Variants in CELF2 observed in about 807,000 individuals in gnomAD.
The protein encoded by CELF2 is CUG triplet repeat RNA-binding protein 2.
A neutral mutation model predicts 62.6 loss-of-function variants in CELF2; 8 were observed. The ratio of observed to expected loss-of-function variants is 0.13; its 90% confidence interval spans 0.07 to 0.23. The LOEUF (loss-of-function observed/expected upper bound fraction) is 0.23, where lower values mean the gene tolerates loss of function less well. Among genes scored for constraint, CELF2 ranks in the 10% least tolerant of loss-of-function variants. The probability of loss-of-function intolerance (pLI) is 1.00; values close to 1 mark genes in which losing one functional copy is unlikely to be tolerated. For synonymous variants in CELF2, 258 were observed against 250.0 expected (o/e 1.03, Z -0.30); for missense variants, 333 against 671.0 (o/e 0.50, Z 5.56).
chr10:10,660,841 C>A, the CELF2 span, among the ~76,000 whole-genome samples: 1 of 152,102 alleles, frequency 6.6e-6, no homozygotes, highest in South Asian at 2.1e-4. Flanking sequence ...TTCTGTAATC[C>A]AAAGTAAACT....
rs570930613 is a variant in CELF2, at chr10:11,296,741, G to T, written c.976+8189G>T. On this transcript the variant is annotated intron_variant, in intron 9 of 12. Transcript: ENST00000633077. This position sits in a 1 kb window ranked among gnomAD's most constrained non-coding sequence, Gnocchi z 5.0. ...GCAGGAAGGCAGGTAAGGTACAGGGGTCAGTGACAGGAGAGATTCTGCCCC... is the reference window on the plus strand; with the variant it reads ...GCAGGAAGGCAGGTAAGGTACAGGGTTCAGTGACAGGAGAGATTCTGCCCC... Among the ~76,000 whole-genome samples, 8 of 152,294 alleles carry T rather than the reference G, an allele frequency of 5.3e-5. No individual in the cohort carries two copies. In the South Asian group the frequency reaches 1.7e-3, roughly 32 times the overall value.
At chr10:11,322,953 TATC>T (rs1240429943) in intron 11 of CELF2, among the ~76,000 whole-genome samples, 2 of 152,036 alleles carry the variant, frequency 1.3e-5, no homozygotes, top group African/African-American at 4.8e-5. Flanking sequence ...AGGACAATGA[TATC>T]ATCACACAGA....
In CELF2 at chr10:11,267,368, T is replaced by C. The variant is rs931020617; in HGVS notation, c.618+691T>C. On this transcript the variant is annotated intron_variant, in intron 6 of 12. Transcript: ENST00000633077. The surrounding 1 kb of genome is among the most constrained non-coding windows in gnomAD (Gnocchi z 4.4). ...ATGCACACCCACGAACCTAGATAGA[T>C]GGCTCTGTACTTTTAGTCTGTGATT... Among the ~76,000 whole-genome samples, 4 of 152,218 alleles carry C rather than the reference T, an allele frequency of 2.6e-5. No homozygotes were observed. Among genetic ancestry groups the C allele is most frequent in the Non-Finnish European group, 5.9e-5 (4 of 68,038 alleles).
At chr10:10,986,121 G>A (rs1358934804) in intron 2 of CELF2, among the ~76,000 whole-genome samples, 1 of 151,724 alleles carries the variant, frequency 6.6e-6, no homozygotes, top group Non-Finnish European at 1.5e-5. Context: ...TTCCAGTTTT[G>A]TCCACTTTCT....
chr10:11,077,674 G>A (rs2773493), intron 1 of CELF2, among the ~76,000 whole-genome samples: 9,443 of 152,176 alleles, frequency 0.062, 503 homozygotes, highest in African/African-American at 0.15. Flanking sequence ...GTTTATCGTC[G>A]TGTGAAACAT....
chr10:11,122,724 A>G (rs1291162404), intron 1 of CELF2, among the ~76,000 whole-genome samples: 1 of 152,246 alleles, frequency 6.6e-6, no homozygotes, highest in African/African-American at 2.4e-5. Flanking sequence ...ATAACTTTAA[A>G]GTTTTATTGA....
At position 10,856,928 on chromosome 10, in the gene CELF2, A is replaced by G. The variant is rs796307121; in HGVS notation, c.53+58111A>G. 9.5e-4 allele frequency among the ~76,000 whole-genome samples: 145 copies of G among 152,268 alleles called. 2 individuals carry two copies. Among genetic ancestry groups the G allele is most frequent in the African/African-American group, 3.4e-3 (143 of 41,544 alleles). On this transcript the variant is annotated intron_variant, in intron 1 of 13. Transcript: ENST00000636488. ...TAACAACTAGAAAATTGGACAAAATACATGAAACAAGTTTGTTGGGACATT... is the reference window on the plus strand; with the variant it reads ...TAACAACTAGAAAATTGGACAAAATGCATGAAACAAGTTTGTTGGGACATT...
chr10:10,809,634 G>A (rs898801825), intron 1 of CELF2, among the ~76,000 whole-genome samples: 2 of 152,118 alleles, frequency 1.3e-5, no homozygotes, highest in African/African-American at 2.4e-5. Flanking sequence ...GTACTTACTT[G>A]AAAATTATTT....
the CELF2 span, among the ~76,000 whole-genome samples, chr10:10,656,292 C>T: frequency 6.6e-6 from 1 of 150,554 alleles, no homozygotes; most frequent in Non-Finnish European, 1.5e-5. Flanking sequence ...ACTAGTTCAA[C>T]CATTGTGGAA....
chr10:10,796,913 T>C (rs1373437467), upstream of CELF2: 2 of 984,624 alleles, frequency 2.0e-6, no homozygotes, highest in African/African-American at 3.5e-5. Flanking sequence ...GGTATGAAAT[T>C]CTCTTTTAAT....
At chr10:10,753,014 T>C in the CELF2 span, among the ~76,000 whole-genome samples, 1 of 152,180 alleles carries the variant, frequency 6.6e-6, no homozygotes, top group African/African-American at 2.4e-5. Flanking sequence ...ATGTGAGCCC[T>C]TGGTGAATTG....
intron 1 of CELF2, among the ~76,000 whole-genome samples, chr10:11,161,994 C>T (rs1459548324): frequency 2.0e-5 from 3 of 152,164 alleles, no homozygotes; most frequent in Non-Finnish European, 2.9e-5. Flanking sequence ...AAATGAGCAT[C>T]AGCCAGGGAG....
At chr10:10,463,485 C>A in the CELF2 span, among the ~76,000 whole-genome samples, 4 of 152,292 alleles carry the variant, frequency 2.6e-5, no homozygotes, top group Admixed American at 1.3e-4. Context: ...AACTTCTGTT[C>A]TTTTTCTGCA....
At chr10:10,493,021 T>A in the CELF2 span, among the ~76,000 whole-genome samples, 1 of 152,206 alleles carries the variant, frequency 6.6e-6, no homozygotes, top group Non-Finnish European at 1.5e-5. Flanking sequence ...GTCCATGAAA[T>A]CTGTTTTTCT....
chr10:11,107,299 A>G lies in CELF2; in HGVS notation c.75-58187A>G, dbSNP rs560540169. ...TCCTAGGGGGGCAGCTCCAGGCTAAACTGGCCTGTGGGCCCCAAATTCTTC... is the reference window on the plus strand; with the variant it reads ...TCCTAGGGGGGCAGCTCCAGGCTAAGCTGGCCTGTGGGCCCCAAATTCTTC... On this transcript the variant is annotated intron_variant, in intron 1 of 12. Coordinates refer to ENST00000633077, the MANE Select transcript of CELF2 (RefSeq NM_001326342.2). 1.1e-3 allele frequency among the ~76,000 whole-genome samples: 169 copies of G among 152,232 alleles called. 1 individual carries two copies. The highest frequency in any genetic ancestry group is 3.9e-3 in the African/African-American group (161 of 41,552).
the CELF2 span, among the ~76,000 whole-genome samples, chr10:10,565,963 C>G: frequency 6.6e-6 from 1 of 152,162 alleles, no homozygotes; most frequent in Non-Finnish European, 1.5e-5. Context: ...AAACATGCTT[C>G]TAATTTTGCA....
intron 1 of CELF2, among the ~76,000 whole-genome samples, chr10:10,815,430 C>T (rs1225869246): frequency 6.6e-6 from 1 of 152,128 alleles, no homozygotes; most frequent in African/African-American, 2.4e-5. Context: ...GTTTTGTTTC[C>T]TAAAAACTAG....
Position 11,270,250 on chromosome 10 carries a change from C to T in CELF2, c.619-416C>T, listed in dbSNP as rs1329720481. On this transcript the variant is annotated intron_variant, in intron 6 of 12. Coordinates refer to ENST00000633077, the MANE Select transcript of CELF2 (RefSeq NM_001326342.2). The surrounding 1 kb of genome is among the most constrained non-coding windows in gnomAD (Gnocchi z 5.8). ...TGGCCATTCCCGTTACAGATTCTCC[C>T]CTTTGTCCTCTGTCCACCTGTGGAC... is the stretch of plus-strand genomic sequence containing the variant. Among the ~76,000 whole-genome samples the T allele has an allele frequency of 6.6e-6, 1 of 152,162 alleles. No homozygotes were observed. The highest frequency in any genetic ancestry group is 1.5e-5 in the Non-Finnish European group (1 of 68,030).
At chr10:10,567,577 CG>C in the CELF2 span, among the ~76,000 whole-genome samples, 5 of 152,106 alleles carry the variant, frequency 3.3e-5, no homozygotes, top group Non-Finnish European at 5.9e-5. Context: ...GGTGACCCTT[CG>C]GAGTCAACCT....
Sources: allele counts gnomAD v4.1 joint callset (sites outside exome capture counted in the v4.1 genomes callset), GRCh38; gene constraint gnomAD v4.1.1; non-coding constraint Gnocchi (gnomAD v3.1); transcripts MANE v1.5; gene names NCBI Gene and HGNC (gene_info 2026-07-23, HGNC 2026-07-21).